Variants in LYPLAL1 observed in about 807,000 individuals in gnomAD.
LYPLAL1 encodes the protein lysophospholipase like 1.
A neutral mutation model predicts 19.7 loss-of-function variants in LYPLAL1; 23 were observed. The observed-to-expected ratio is 1.17, with a 90% CI of 0.84 to 1.65. The LOEUF is 1.65. Ranked by LOEUF, LYPLAL1 falls within the 40% of genes most tolerant of loss-of-function variation. The pLI is 0.00. For synonymous variants in LYPLAL1, 119 were observed against 96.3 expected (o/e 1.24, Z -1.38); for missense variants, 355 against 279.4 (o/e 1.27, Z -1.93).
the LYPLAL1 span, among the ~76,000 whole-genome samples, chr1:219,308,159 CT>C: frequency 4.6e-5 from 7 of 152,124 alleles, no homozygotes; most frequent in Non-Finnish European, 1.0e-4. Context: ...CATTTGGCCC[CT>C]GCCCTAGAGA....
chr1:219,219,003 T>C, the LYPLAL1 span, among the ~76,000 whole-genome samples: 1 of 152,034 alleles, frequency 6.6e-6, no homozygotes, highest in Non-Finnish European at 1.5e-5. Context: ...TCCAAAACAT[T>C]AGTCCCAGCA....
At chr1:219,379,049 C>G in the LYPLAL1 span, among the ~76,000 whole-genome samples, 1 of 152,054 alleles carries the variant, frequency 6.6e-6, no homozygotes, top group African/African-American at 2.4e-5. Context: ...TTCATTTTAA[C>G]ATTTCTCTCT....
At chr1:219,244,519 A>G in the LYPLAL1 span, among the ~76,000 whole-genome samples, 1 of 152,216 alleles carries the variant, frequency 6.6e-6, no homozygotes, top group Non-Finnish European at 1.5e-5. Flanking sequence ...TTTCTCAGTG[A>G]GGACTGTATG....
intron 2 of LYPLAL1, among the ~76,000 whole-genome samples, chr1:219,188,646 G>A (rs1172838335): frequency 6.6e-6 from 1 of 150,466 alleles, no homozygotes; most frequent in African/African-American, 2.4e-5. Flanking sequence ...AGGCAACACA[G>A]ATCAAAAACA....
the LYPLAL1 span, among the ~76,000 whole-genome samples, chr1:219,246,975 T>C: frequency 6.6e-6 from 1 of 152,198 alleles, no homozygotes; most frequent in Admixed American, 6.5e-5. Context: ...TGCTGGCCCA[T>C]TATGATGTGA....
chr1:219,297,357 C>A, the LYPLAL1 span, among the ~76,000 whole-genome samples: 1 of 152,168 alleles, frequency 6.6e-6, no homozygotes, highest in Non-Finnish European at 1.5e-5. Flanking sequence ...TAGAATACTT[C>A]CTCTGTTCAG....
the LYPLAL1 span, among the ~76,000 whole-genome samples, chr1:219,382,848 T>TA: frequency 1.3e-5 from 2 of 150,664 alleles, no homozygotes; most frequent in African/African-American, 2.4e-5. Flanking sequence ...ACATTTACAT[T>TA]AAAAAAAGTT....
At chr1:219,269,527 T>TATC in the LYPLAL1 span, among the ~76,000 whole-genome samples, 33 of 152,360 alleles carry the variant, frequency 2.2e-4, no homozygotes, top group African/African-American at 7.7e-4. Context: ...ATTAATATTC[T>TATC]ATCAATGCTT....
At chr1:219,368,511 TC>T in the LYPLAL1 span, among the ~76,000 whole-genome samples, 1 of 152,160 alleles carries the variant, frequency 6.6e-6, no homozygotes, top group Non-Finnish European at 1.5e-5. Flanking sequence ...GTCACTACTT[TC>T]GTAATCTCAG....
chr1:219,405,514 C>G, the LYPLAL1 span, among the ~76,000 whole-genome samples: 7 of 152,130 alleles, frequency 4.6e-5, no homozygotes, highest in Non-Finnish European at 8.8e-5. Flanking sequence ...TACACACACA[C>G]GTATATATCT....
chr1:219,214,874 G>A (rs114243450), downstream of LYPLAL1, among the ~76,000 whole-genome samples: 1,163 of 151,914 alleles, frequency 7.7e-3, 22 homozygotes, highest in African/African-American at 0.027. Flanking sequence ...ATTCTTAATA[G>A]AGATGGGTTT....
chr1:219,267,888 A>ATT, the LYPLAL1 span, among the ~76,000 whole-genome samples: 3 of 152,086 alleles, frequency 2.0e-5, no homozygotes, highest in African/African-American at 7.2e-5. Context: ...TTTAATCAGA[A>ATT]TTTTCTTTGG....
chr1:219,196,225 G>A (rs970672592), intron 3 of LYPLAL1, among the ~76,000 whole-genome samples: 2 of 151,978 alleles, frequency 1.3e-5, no homozygotes, highest in Admixed American at 6.6e-5. Flanking sequence ...TGGTATTTCC[G>A]GTTCTAGGTC....
chr1:219,420,475 G>T, the LYPLAL1 span, among the ~76,000 whole-genome samples: 7 of 152,246 alleles, frequency 4.6e-5, no homozygotes, highest in East Asian at 1.4e-3. Context: ...AACTAGTGGT[G>T]GAAGCTGTCC....
intron 4 of LYPLAL1, 58 bp from the exon 5 acceptor site, chr1:219,211,434 A>G (rs1659028417): frequency 4.3e-6 from 5 of 1,157,820 alleles, no homozygotes; most frequent in Non-Finnish European, 6.1e-6. Context: ...TCTGATTTCT[A>G]AGAATGATCT....
At chr1:219,400,942 A>G in the LYPLAL1 span, among the ~76,000 whole-genome samples, 3 of 152,234 alleles carry the variant, frequency 2.0e-5, no homozygotes, top group Non-Finnish European at 4.4e-5. Flanking sequence ...CATATCCAAT[A>G]AAAAAGGGTT....
At chr1:219,241,053 T>C in the LYPLAL1 span, among the ~76,000 whole-genome samples, 5 of 146,842 alleles carry the variant, frequency 3.4e-5, no homozygotes, top group African/African-American at 1.0e-4. Context: ...AATATCTATA[T>C]ATATCTATAT....
At chr1:219,295,300 A>G in the LYPLAL1 span, among the ~76,000 whole-genome samples, 3 of 152,198 alleles carry the variant, frequency 2.0e-5, no homozygotes, top group Non-Finnish European at 2.9e-5. Flanking sequence ...GAGCTGGGTT[A>G]TGAAGTCTCT....
the LYPLAL1 span, among the ~76,000 whole-genome samples, chr1:219,262,302 A>G: frequency 3.3e-5 from 5 of 152,118 alleles, no homozygotes; most frequent in Admixed American, 1.3e-4. Flanking sequence ...TTTCTCTGCT[A>G]TCTCTTTGAG....
Sources: allele counts gnomAD v4.1 joint callset (sites outside exome capture counted in the v4.1 genomes callset), GRCh38; gene constraint gnomAD v4.1.1; transcripts MANE v1.5; gene names NCBI Gene and HGNC (gene_info 2026-07-23, HGNC 2026-07-21).